BGN: variants seen among roughly 807,000 people sequenced by gnomAD.
The protein encoded by BGN is biglycan, also known as bone/cartilage proteoglycan-I.
BGN carries 6 observed loss-of-function variants against 20.0 expected under a neutral mutation model. The observed-to-expected ratio is 0.30, with a 90% CI of 0.16 to 0.59. The LOEUF (loss-of-function observed/expected upper bound fraction) is 0.59. Among genes scored for constraint, BGN ranks in the 20% least tolerant of loss-of-function variants. BGN has a pLI of 0.88. For missense variants in BGN, 292 were observed against 312.1 expected, an observed-to-expected ratio of 0.94 and a Z score of 0.49; for synonymous variants, 146 against 134.6, an observed-to-expected ratio of 1.08 and a Z score of -0.59.
At chrX:153,496,723 G>A (rs1030729615) in intron 1 of BGN, among the ~76,000 whole-genome samples, 8 of 112,287 alleles carry the variant, frequency 7.1e-5, no homozygotes, top group Admixed American at 9.3e-5. Context: ...GTGTTTCCAA[G>A]GCAAGAATGA....
Position 153,504,492 on chromosome X carries a change from G to C in BGN, c.-11-129G>C, listed in dbSNP as rs1011834909. The stretch of plus-strand genomic sequence containing the variant: ...CCACACTCCGCCCTCTCCGCCTCCC[G>C]CTCCAGGGTCTGGCCGTCCCTGGTG... On this transcript the variant is annotated intron_variant, in intron 1 of 7. Transcript: ENST00000331595. The C allele has an allele frequency of 2.4e-5, 13 of 552,376 alleles. No individual in the cohort carries two copies. The African/African-American group carries it at 3.0e-4, about 13-fold the overall frequency. The allele number at this position is 552,376 out of a possible 1,213,427, so 45.5% of individuals were successfully genotyped here.
chrX:153,508,462 C>T lies in BGN; in HGVS notation c.*17C>T. The T allele has an allele frequency of 6.6e-6, 8 of 1,203,306 alleles. No individual in the cohort carries two copies. The highest frequency in any genetic ancestry group is 2.4e-4 in the Middle Eastern group (1 of 4,165). ...AAAAAGTAGAGGCAGCTGCAGCCACCGCGGGGCCTCAGTGGGGGTCTCTGG... is the reference window on the plus strand; with the variant it reads ...AAAAAGTAGAGGCAGCTGCAGCCACTGCGGGGCCTCAGTGGGGGTCTCTGG... On this transcript the variant is annotated 3_prime_UTR_variant, in exon 8 of 8. Transcript: ENST00000331595.
intron 1 of BGN, among the ~76,000 whole-genome samples, chrX:153,502,870 A>G (rs1358923581): frequency 8.9e-6 from 1 of 112,744 alleles, no homozygotes; most frequent in Non-Finnish European, 1.9e-5. Context: ...GGCTGCGGAA[A>G]GGCCACTCCA....
intron 5 of BGN, 61 bp from the exon 6 acceptor site, chrX:153,506,769 C>A: frequency 2.6e-6 from 3 of 1,170,441 alleles, no homozygotes; most frequent in Non-Finnish European, 3.5e-6. Flanking sequence ...CCACCTGGGG[C>A]AGAGCTAGGG....
In BGN at chrX:153,504,796, C is replaced by T. The variant is rs781783459; in HGVS notation, c.165C>T (p.Val55=). ...DTSGVLDPDS[V]TPTYSAMCPF... is the part of the protein sequence containing the mutation. ...CGGGCGTCCTGGACCCGGACTCTGT[C>T]ACACCCACCTACAGCGCCATGTGTC... Residue 55 remains valine (V), a synonymous_variant, in exon 2 of 8, where the codon GTC becomes GTT. Transcript: ENST00000331595. 5 of 1,211,710 alleles carry T rather than the reference C, an allele frequency of 4.1e-6. No individual in the cohort carries two copies. The East Asian group carries it at 1.2e-4, about 29-fold the overall frequency.
chrX:153,496,911 G>A (rs921439197), intron 1 of BGN, among the ~76,000 whole-genome samples: 12 of 106,726 alleles, frequency 1.1e-4, no homozygotes, highest in Non-Finnish European at 1.7e-4. Flanking sequence ...GAGGTGGGAT[G>A]AGGACCTCCC....
intron 7 of BGN, among the ~76,000 whole-genome samples, 154 bp from the exon 8 acceptor site, chrX:153,508,094 C>T (rs781844084): frequency 1.1e-4 from 12 of 112,747 alleles, no homozygotes; most frequent in African/African-American, 3.2e-4. Context: ...ACAAATAACA[C>T]GCCCATGCCT....
Position 153,508,511 on chromosome X carries a change from G to A in BGN, c.*66G>A, listed in dbSNP as rs1276697956. 1 of 1,132,828 alleles carries A rather than the reference G, an allele frequency of 8.8e-7. No homozygotes were observed. Among genetic ancestry groups the A allele is most frequent in the Non-Finnish European group, 1.2e-6 (1 of 837,810 alleles). The allele number at this position is 1,132,828 out of a possible 1,213,427, so 93.4% of individuals were successfully genotyped here. A position where few individuals can be genotyped will look rare whatever the true frequency, so the allele number is the denominator to read the frequency against. ...GGGGAACACAGCCAGACATCCTGAT[G>A]GGGAGGCAGAGCCAGGAAGCTAAGC... On this transcript the variant is annotated 3_prime_UTR_variant, in exon 8 of 8. Transcript: ENST00000331595.
At position 153,506,391 on chromosome X, in the gene BGN, G is replaced by A. The variant is rs368808584; in HGVS notation, c.566-138G>A. The A allele has an allele frequency of 1.3e-4, 77 of 574,948 alleles. 1 individual carries two copies. The highest frequency in any genetic ancestry group is 1.2e-3 in the South Asian group (41 of 34,734). 47.4% of individuals were successfully genotyped at this position (574,948 alleles called of 1,213,427 possible). On this transcript the variant is annotated intron_variant, in intron 4 of 7. Coordinates refer to ENST00000331595, the MANE Select transcript of BGN (RefSeq NM_001711.6). ...ACAGCTAGGAGTTTGCAATTAGCCC[G>A]GTAAATTAGCAGAACTGCTTTCAGG...
At chrX:153,501,665 G>C (rs1205678105) in intron 1 of BGN, among the ~76,000 whole-genome samples, 1 of 112,232 alleles carries the variant, frequency 8.9e-6, no homozygotes, top group Non-Finnish European at 1.9e-5. Context: ...TCTCAGTTTT[G>C]TGCCAGTTCT....
rs893734115 is a variant in BGN, at chrX:153,509,544, G to A, written c.*1099G>A. On this transcript the variant is annotated 3_prime_UTR_variant, in exon 8 of 8. Transcript: ENST00000331595. The stretch of plus-strand genomic sequence containing the variant: ...TTCCATTAAAGAAACACCGTGCAAC[G>A]TGGCTCCGTGCGCTGCTCCTGTGGC... The A allele has an allele frequency of 1.8e-5, 2 of 112,748 alleles. No individual in the cohort carries two copies. Among genetic ancestry groups the A allele is most frequent in the East Asian group, 5.6e-4 (2 of 3,568 alleles). 9.3% of individuals were successfully genotyped at this position (112,748 alleles called of 1,213,427 possible).
Position 153,505,922 on chromosome X carries a change from G to A in BGN, c.411G>A (p.Leu137=). 8.3e-7 allele frequency: 1 copy of A among 1,210,400 alleles called. No individual in the cohort carries two copies. The highest frequency in any genetic ancestry group is 3.0e-5 in the East Asian group (1 of 33,760). ...TCCATGAGAAGGCCTTCAGCCCACT[G>A]CGGAAGCTGCAGAAGCTCTACATCT... The part of the protein sequence containing the change: ...SKIHEKAFSP[L]RKLQKLYISK... Residue 137 remains leucine, a synonymous_variant, in exon 4 of 8, where the codon CTG becomes CTA. Coordinates refer to ENST00000331595, the MANE Select transcript of BGN (RefSeq NM_001711.6).
intron 1 of BGN, among the ~76,000 whole-genome samples, chrX:153,498,382 G>A (rs1257365822): frequency 2.7e-5 from 3 of 112,742 alleles, no homozygotes; most frequent in Non-Finnish European, 5.6e-5. Flanking sequence ...GGCAGGGGAA[G>A]TCTGGGAAGC....
Position 153,507,066 on chromosome X carries a change from C to A in BGN, c.790C>A (p.Gln264Lys), listed in dbSNP as rs2089806761. Residue 264 changes from glutamine (Q) to lysine (K), a missense_variant, in exon 7 of 8, where the codon CAG becomes AAG. Gln to Lys is a moderately conservative substitution (Grantham distance 53, BLOSUM62 1). Transcript: ENST00000331595. ...KLYRLGLGHN[Q>K]IRMIENGSLS... ...TCACAGGCTGGGCCTAGGCCACAAC[C>A]AGATCAGGATGATCGAGAACGGGAG... is the stretch of plus-strand genomic sequence containing the variant. The A allele has an allele frequency of 1.7e-6, 2 of 1,209,114 alleles. No individual in the cohort carries two copies. Among genetic ancestry groups the A allele is most frequent in the African/African-American group, 3.5e-5 (2 of 57,387 alleles).
At chrX:153,498,318 T>C (rs1416515792) in intron 1 of BGN, among the ~76,000 whole-genome samples, 1 of 112,464 alleles carries the variant, frequency 8.9e-6, no homozygotes, top group African/African-American at 3.2e-5. Flanking sequence ...AAGGGGAGCA[T>C]GGCGGGCAGA....
rs182365614 is a variant in BGN at position 153,503,600 on chromosome X, C to T, written c.-11-1021C>T. Among the ~76,000 whole-genome samples the T allele has an allele frequency of 7.8e-3, 877 of 112,265 alleles. 9 individuals carry two copies. Among genetic ancestry groups the T allele is most frequent in the African/African-American group, 0.027 (842 of 30,922 alleles). ...AGCCTCTTCCTGTAGGGCACATTCCCGGCTGCCTCTGGACGGGAGACCGTG... is the reference window on the plus strand; with the variant it reads ...AGCCTCTTCCTGTAGGGCACATTCCTGGCTGCCTCTGGACGGGAGACCGTG... On this transcript the variant is annotated intron_variant, in intron 1 of 7. Transcript: ENST00000331595.
chrX:153,496,316 C>G (rs1006174212), intron 1 of BGN, among the ~76,000 whole-genome samples: 1 of 112,878 alleles, frequency 8.9e-6, no homozygotes. Context: ...GCCAGAAAGG[C>G]TCCCGGGGAC....
chrX:153,501,181 C>T (rs1556991800), intron 1 of BGN, among the ~76,000 whole-genome samples: 1 of 108,214 alleles, frequency 9.2e-6, no homozygotes, highest in Non-Finnish European at 1.9e-5. Context: ...TGTATGTGTG[C>T]ATCTGTGTGT....
chrX:153,497,620 C>A (rs1556991053), intron 1 of BGN, among the ~76,000 whole-genome samples: 1 of 111,742 alleles, frequency 8.9e-6, no homozygotes, highest in African/African-American at 3.2e-5. Context: ...TGGCCTGAGG[C>A]CCGCCTAGCC....
Sources: gnomAD v4.1 joint callset for allele counts (sites outside exome capture counted in the v4.1 genomes callset) on GRCh38, gnomAD v4.1.1 for gene constraint, MANE v1.5 for transcripts, NCBI Gene and HGNC (gene_info 2026-07-23, HGNC 2026-07-21) for gene names.